FGF14: variants seen among roughly 807,000 people sequenced by gnomAD.
The protein encoded by FGF14 is fibroblast growth factor homologous factor 4.
Under a neutral mutation model 25.5 loss-of-function variants are expected in FGF14, and 5 were observed. The ratio of observed to expected loss-of-function variants is 0.20; its 90% CI spans 0.10 to 0.41. The LOEUF is 0.41. Among genes scored for constraint, FGF14 ranks in the 10% least tolerant of loss-of-function variants. The pLI, the probability that FGF14 is intolerant of heterozygous loss-of-function variation, is 1.00. For synonymous variants in FGF14, 138 were observed against 118.3 expected (o/e 1.17, Z -1.08); for missense variants, 222 against 320.1 (o/e 0.69, Z 2.34).
chr13:101,744,967 GT>G (rs945486747), intron 3 of FGF14, among the ~76,000 whole-genome samples: 1 of 151,974 alleles, frequency 6.6e-6, no homozygotes, highest in Non-Finnish European at 1.5e-5. Context: ...TCAAATAAAT[GT>G]TTGAACACTA....
intron 1 of FGF14, among the ~76,000 whole-genome samples, chr13:102,130,014 T>C (rs1337733187): frequency 6.6e-6 from 1 of 152,150 alleles, no homozygotes; most frequent in Non-Finnish European, 1.5e-5. Context: ...ATAAATTTAT[T>C]ATCTTACAGT....
intron 1 of FGF14, among the ~76,000 whole-genome samples, chr13:102,114,104 A>C (rs766437188): frequency 6.6e-6 from 1 of 152,180 alleles, no homozygotes; most frequent in Non-Finnish European, 1.5e-5. Flanking sequence ...GGTGCAAATA[A>C]TCTAGTCCAA....
At chr13:101,799,297 G>A (rs1447756336) in intron 3 of FGF14, among the ~76,000 whole-genome samples, 2 of 151,926 alleles carry the variant, frequency 1.3e-5, no homozygotes, top group Non-Finnish European at 2.9e-5. Context: ...TAGGATATAT[G>A]AGCCCAAAGG....
chr13:101,818,514 C>T (rs2041951553), intron 3 of FGF14, among the ~76,000 whole-genome samples: 1 of 152,162 alleles, frequency 6.6e-6, no homozygotes, highest in African/African-American at 2.4e-5. Context: ...TGAAGCCAGA[C>T]TGAAACCAAT....
intron 1 of FGF14, among the ~76,000 whole-genome samples, chr13:101,909,767 A>T (rs1403869274): frequency 6.6e-6 from 1 of 152,190 alleles, no homozygotes; most frequent in African/African-American, 2.4e-5. Flanking sequence ...ACTATAAATC[A>T]TGCTTCTGTA....
chr13:101,858,362 C>T (rs1266318013), intron 3 of FGF14, among the ~76,000 whole-genome samples: 1 of 151,674 alleles, frequency 6.6e-6, no homozygotes, highest in African/African-American at 2.4e-5. Flanking sequence ...GCTATAATAG[C>T]TATTAATTGT....
intron 1 of FGF14, among the ~76,000 whole-genome samples, chr13:101,942,379 A>T (rs1451106674): frequency 6.6e-6 from 1 of 152,218 alleles, no homozygotes; most frequent in Non-Finnish European, 1.5e-5. Context: ...AATAAATTCT[A>T]GAAAAAAAAT....
At chr13:102,347,618 A>T (rs2057149745) in intron 1 of FGF14, among the ~76,000 whole-genome samples, 1 of 152,198 alleles carries the variant, frequency 6.6e-6, no homozygotes, top group African/African-American at 2.4e-5. Flanking sequence ...GACTCCTAAC[A>T]GCGCTGGCAA....
intron 1 of FGF14, among the ~76,000 whole-genome samples, chr13:102,353,572 CT>C (rs768035366): frequency 7.2e-5 from 11 of 152,220 alleles, no homozygotes; most frequent in African/African-American, 1.7e-4. Flanking sequence ...TTCAAGCTTC[CT>C]TTTCACACCT....
At chr13:101,814,097 G>A (rs1479601244) in intron 3 of FGF14, among the ~76,000 whole-genome samples, 1 of 152,202 alleles carries the variant, frequency 6.6e-6, no homozygotes, top group Non-Finnish European at 1.5e-5. Context: ...TCAGCAAGTA[G>A]ACAGACAACT....
intron 1 of FGF14, among the ~76,000 whole-genome samples, chr13:102,327,926 TA>T (rs1566940025): frequency 1.2e-4 from 16 of 134,598 alleles, no homozygotes; most frequent in Non-Finnish European, 2.5e-4. Context: ...AAATAAAAAA[TA>T]AATAAATGGT....
chr13:101,954,227 T>G (rs2036364399), intron 1 of FGF14, among the ~76,000 whole-genome samples: 1 of 149,148 alleles, frequency 6.7e-6, no homozygotes, highest in African/African-American at 2.5e-5. Context: ...TCAAAAAACC[T>G]GACCAGGCGT....
At chr13:102,394,720 C>G (rs1323433159) in intron 1 of FGF14, 8 of 152,434 alleles carry the variant, frequency 5.2e-5, no homozygotes, top group African/African-American at 1.7e-4. Context: ...ACCGGGGACT[C>G]TGGGCCAATG....
chr13:101,900,581 A>G (rs1017458066), intron 1 of FGF14, among the ~76,000 whole-genome samples: 1 of 152,200 alleles, frequency 6.6e-6, no homozygotes, highest in Non-Finnish European at 1.5e-5. Flanking sequence ...ACAATAAAGT[A>G]CATGCTGCAT....
intron 1 of FGF14, among the ~76,000 whole-genome samples, chr13:102,049,971 C>T (rs2042150276): frequency 6.6e-6 from 1 of 151,980 alleles, no homozygotes; most frequent in Non-Finnish European, 1.5e-5. Flanking sequence ...CAATAGATTC[C>T]AATTGCTTAA....
rs544418623 is a variant in FGF14 at position 101,821,169 on chromosome 13, C to T, written c.408+47556G>A. Among the ~76,000 whole-genome samples, 535 of 152,218 alleles carry T rather than the reference C, an allele frequency of 3.5e-3. 2 individuals are homozygous for T. Among genetic ancestry groups the T allele is most frequent in the South Asian group, 0.011 (55 of 4,820 alleles). ...TTCACCGTGTCAGCCAGGATGTTCT[C>T]GATCTCCTGACCTCGTGATCCACCC... is the stretch of plus-strand genomic sequence containing the variant. On this transcript the variant is annotated intron_variant, in intron 3 of 4. Coordinates refer to ENST00000376143, the MANE Select transcript of FGF14 (RefSeq NM_004115.4).
chr13:102,202,170 C>T (rs544650778), intron 1 of FGF14, among the ~76,000 whole-genome samples: 4 of 152,272 alleles, frequency 2.6e-5, no homozygotes, highest in African/African-American at 4.8e-5. Context: ...ATACAGCCTG[C>T]GAAACCATGA....
intron 1 of FGF14, among the ~76,000 whole-genome samples, chr13:102,124,612 T>C (rs1332421182): frequency 6.6e-6 from 1 of 152,134 alleles, no homozygotes; most frequent in Non-Finnish European, 1.5e-5. Context: ...AAATGTACTG[T>C]ACAGGCATGA....
intron 3 of FGF14, among the ~76,000 whole-genome samples, chr13:101,818,786 G>A (rs1204427943): frequency 6.6e-6 from 1 of 152,188 alleles, no homozygotes; most frequent in Non-Finnish European, 1.5e-5. Context: ...ACCAAAGGAA[G>A]CAGAACGTGA....
Sources: allele counts gnomAD v4.1 joint callset (sites outside exome capture counted in the v4.1 genomes callset), GRCh38; gene constraint gnomAD v4.1.1; transcripts MANE v1.5; gene names NCBI Gene and HGNC (gene_info 2026-07-23, HGNC 2026-07-21).